Variants in FER observed in about 807,000 individuals in gnomAD.
The protein encoded by FER is FER tyrosine kinase, also known as tyrosine-protein kinase Fer.
In FER, 63 loss-of-function variants were observed where a neutral mutation model predicts 111.0. That is an observed-to-expected ratio of 0.57 (90% CI 0.46 to 0.70). The LOEUF (loss-of-function observed/expected upper bound fraction) is 0.70, where lower values mean the gene tolerates loss of function less well. Ranked by LOEUF, FER falls within the 30% of genes least tolerant of loss-of-function variation. The pLI, the probability that FER is intolerant of heterozygous loss-of-function variation, is 0.00. For missense variants in FER, 914 were observed against 954.0 expected (o/e 0.96, Z 0.55); for synonymous variants, 327 against 313.9 (o/e 1.04, Z -0.44).
chr5:109,079,401 G>C (rs973059608), intron 16 of FER, among the ~76,000 whole-genome samples: 1 of 152,080 alleles, frequency 6.6e-6, no homozygotes, highest in Admixed American at 6.6e-5. Context: ...TTGAAGGCTT[G>C]TTTGACATCG....
chr5:108,932,876 GGTT>G (rs1481320007), intron 10 of FER, among the ~76,000 whole-genome samples: 1 of 149,462 alleles, frequency 6.7e-6, no homozygotes, highest in African/African-American at 2.5e-5. Context: ...TTTTTGATGG[GGTT>G]GTTTGTTTTT....
At chr5:108,932,568 C>G (rs1265950694) in intron 10 of FER, among the ~76,000 whole-genome samples, 1 of 152,180 alleles carries the variant, frequency 6.6e-6, no homozygotes, top group Non-Finnish European at 1.5e-5. Context: ...AATGGTATTT[C>G]TAGTTCTAGA....
chr5:109,182,167 A>G (rs970659269), intron 18 of FER, among the ~76,000 whole-genome samples: 5 of 152,170 alleles, frequency 3.3e-5, no homozygotes, highest in African/African-American at 9.7e-5. Flanking sequence ...GCAGGTTTCA[A>G]TTATTCTGGG....
At chr5:108,787,525 A>G (rs867432635) in intron 2 of FER, among the ~76,000 whole-genome samples, 1 of 152,228 alleles carries the variant, frequency 6.6e-6, no homozygotes, top group Non-Finnish European at 1.5e-5. Flanking sequence ...TCCGTGGCCC[A>G]GAGTGAGAAC....
intron 10 of FER, among the ~76,000 whole-genome samples, chr5:108,944,115 A>ACG (rs1756651803): frequency 6.8e-6 from 1 of 148,000 alleles, no homozygotes; most frequent in Non-Finnish European, 1.5e-5. Flanking sequence ...GTGTACACAC[A>ACG]CACACACACA....
chr5:109,031,777 C>T (rs1431431557), intron 13 of FER, among the ~76,000 whole-genome samples: 1 of 152,146 alleles, frequency 6.6e-6, no homozygotes. Context: ...TCAAATACTA[C>T]CTGTTTTTTG....
At chr5:109,072,528 C>A (rs928839388) in intron 16 of FER, among the ~76,000 whole-genome samples, 4 of 151,654 alleles carry the variant, frequency 2.6e-5, no homozygotes, top group Non-Finnish European at 5.9e-5. Context: ...AATCTTATGC[C>A]TTAATCAAGT....
chr5:108,888,198 C>G (rs1448011680), intron 9 of FER, among the ~76,000 whole-genome samples: 2 of 151,162 alleles, frequency 1.3e-5, no homozygotes, highest in African/African-American at 4.9e-5. Flanking sequence ...ACATTTTTTT[C>G]CTTTGGCTCA....
At chr5:109,001,910 A>C (rs1395951905) in intron 13 of FER, among the ~76,000 whole-genome samples, 2 of 152,188 alleles carry the variant, frequency 1.3e-5, no homozygotes, top group Non-Finnish European at 2.9e-5. Context: ...CAAAATACCT[A>C]GGAATCCAAC....
At chr5:108,818,468 G>GTA (rs1758502068) in intron 3 of FER, among the ~76,000 whole-genome samples, 1 of 151,846 alleles carries the variant, frequency 6.6e-6, no homozygotes, top group Non-Finnish European at 1.5e-5. Flanking sequence ...TAAATCTTTT[G>GTA]AAATCACATT....
intron 5 of FER, among the ~76,000 whole-genome samples, chr5:108,851,736 C>A (rs1042649422): frequency 6.6e-6 from 1 of 152,064 alleles, no homozygotes; most frequent in Non-Finnish European, 1.5e-5. Context: ...TTAAAAATAA[C>A]TACCTTGTAA....
intron 9 of FER, chr5:108,894,337 G>A: frequency 1.0e-6 from 1 of 956,586 alleles, no homozygotes; most frequent in Non-Finnish European, 1.4e-6. Context: ...AAGAGGAGGA[G>A]GAGCCATCAC....
intron 13 of FER, among the ~76,000 whole-genome samples, chr5:109,000,377 A>G (rs1199778365): frequency 6.6e-6 from 1 of 152,108 alleles, no homozygotes; most frequent in Non-Finnish European, 1.5e-5. Flanking sequence ...AAGAAAGAGA[A>G]CAATTCATGA....
intron 17 of FER, among the ~76,000 whole-genome samples, chr5:109,109,953 A>G (rs1462046036): frequency 6.6e-6 from 1 of 152,110 alleles, no homozygotes; most frequent in African/African-American, 2.4e-5. Context: ...ACATAGGGCT[A>G]TACTGGTTTT....
At chr5:108,866,929 T>C (rs1764125198) in intron 5 of FER, among the ~76,000 whole-genome samples, 1 of 152,220 alleles carries the variant, frequency 6.6e-6, no homozygotes, top group Non-Finnish European at 1.5e-5. Context: ...TAAAATGTTT[T>C]TAACTCATAA....
intron 12 of FER, among the ~76,000 whole-genome samples, chr5:108,955,238 G>A (rs1188677825): frequency 1.3e-5 from 2 of 151,628 alleles, no homozygotes; most frequent in African/African-American, 4.8e-5. Context: ...AAAACAATGT[G>A]ATTATTATAA....
chr5:108,765,805 T>G (rs1324717707), intron 1 of FER, among the ~76,000 whole-genome samples: 1 of 152,204 alleles, frequency 6.6e-6, no homozygotes, highest in East Asian at 1.9e-4. Context: ...GGAGTGGAAT[T>G]GGATACATAT....
At chr5:108,773,653 C>T (rs1414378311) in intron 2 of FER, among the ~76,000 whole-genome samples, 1 of 152,090 alleles carries the variant, frequency 6.6e-6, no homozygotes, top group Non-Finnish European at 1.5e-5. Flanking sequence ...TGGCAGTGAA[C>T]ATATGCATGC....
chr5:108,839,149 AG>A (rs1561492858), intron 5 of FER, among the ~76,000 whole-genome samples: 1 of 152,232 alleles, frequency 6.6e-6, no homozygotes. Flanking sequence ...GGCCCATGTC[AG>A]TGCCTCTTAT....
Sources: allele counts gnomAD v4.1 joint callset (sites outside exome capture counted in the v4.1 genomes callset), GRCh38; gene constraint gnomAD v4.1.1; transcripts MANE v1.5; gene names NCBI Gene and HGNC (gene_info 2026-07-23, HGNC 2026-07-21).